Variants in PLCG2 observed in about 807,000 individuals in gnomAD.
The protein encoded by PLCG2 is 1-phosphatidylinositol 4,5-bisphosphate phosphodiesterase gamma-2.
Under a neutral mutation model 175.6 loss-of-function variants are expected in PLCG2, and 69 were observed. The observed-to-expected ratio is 0.39, with a 90% CI of 0.32 to 0.48. PLCG2 has a LOEUF of 0.48. Ranked by LOEUF, PLCG2 falls within the 20% of genes least tolerant of loss-of-function variation. PLCG2 has a pLI of 0.91. For missense variants in PLCG2, 1,798 were observed against 1,650.9 expected (o/e 1.09, Z -1.54); for synonymous variants, 827 against 624.0 (o/e 1.33, Z -4.85).
intron 2 of PLCG2, among the ~76,000 whole-genome samples, chr16:81,820,623 CA>C (rs1013477276): frequency 1.4e-4 from 3 of 20,792 alleles, no homozygotes; most frequent in Admixed American, 1.7e-3. Context: ...AAACATTACC[CA>C]ATTTTTTTTT....
chr16:81,822,306 C>T (rs551900743), intron 2 of PLCG2, among the ~76,000 whole-genome samples: 5 of 152,238 alleles, frequency 3.3e-5, no homozygotes, highest in Non-Finnish European at 5.9e-5. Context: ...TGATTGATGG[C>T]CCCCAGAGAT....
chr16:81,958,164 A>C lies in PLCG2; in HGVS notation c.*166A>C, dbSNP rs537173949. On this transcript the variant is annotated 3_prime_UTR_variant, in exon 33 of 33. Coordinates refer to ENST00000564138, the MANE Select transcript of PLCG2 (RefSeq NM_002661.5). Reference sequence around the variant, plus strand: ...GACCCAACTGGCATGAGTTGGGGTAATTTCCTATTATTTTCATCTTGGACA... The same window carrying C: ...GACCCAACTGGCATGAGTTGGGGTACTTTCCTATTATTTTCATCTTGGACA... 3.4e-6 allele frequency: 2 copies of C among 596,634 alleles called. No homozygotes were observed. Among genetic ancestry groups the C allele is most frequent in the South Asian group, 2.2e-5 (1 of 44,836 alleles). The allele number at this position is 596,634 out of a possible 1,614,324, so 37.0% of individuals were successfully genotyped here. A position where few individuals can be genotyped will look rare whatever the true frequency, so the allele number is the denominator to read the frequency against.
chr16:81,961,747 C>A lies in PLCG2; in HGVS notation c.*3749C>A, dbSNP rs1320359056. 4.9e-6 allele frequency: 1 copy of A among 204,910 alleles called. No individual in the cohort carries two copies. Among genetic ancestry groups the A allele is most frequent in the Non-Finnish European group, 1.0e-5 (1 of 100,238 alleles). 12.7% of individuals were successfully genotyped at this position (204,910 alleles called of 1,614,324 possible). A position where few individuals can be genotyped will look rare whatever the true frequency, so the allele number is the denominator to read the frequency against. On this transcript the variant is annotated 3_prime_UTR_variant, in exon 33 of 33. Coordinates refer to ENST00000564138, the MANE Select transcript of PLCG2 (RefSeq NM_002661.5). Reference sequence around the variant, plus strand: ...TAACTTATATTAAGAACCTCCTGGGCTAAATTTAAAAAGTAATACAACAGT... The same window carrying A: ...TAACTTATATTAAGAACCTCCTGGGATAAATTTAAAAAGTAATACAACAGT...
At position 81,802,093 on chromosome 16, in the gene PLCG2, C is replaced by CTTTTTTTTTTTTTTT. The variant is rs1157731599; in HGVS notation, c.193+15935_193+15949dup. Among the ~76,000 whole-genome samples, 50 of 40,016 alleles carry CTTTTTTTTTTTTTTT rather than the reference C, an allele frequency of 1.2e-3. 19 individuals are homozygous for CTTTTTTTTTTTTTTT. Among genetic ancestry groups the CTTTTTTTTTTTTTTT allele is most frequent in the East Asian group, 5.3e-3 (4 of 760 alleles). The allele number at this position is 40,016 out of a possible 152,430, so 26.3% of individuals were successfully genotyped here. A position where few individuals can be genotyped will look rare whatever the true frequency, so the allele number is the denominator to read the frequency against. Reference sequence around the variant, plus strand: ...GTTAGCTCCTTCAGGTGAGTACAGTCTTTTTTTTTTTTTTTTTTTTTTTTT... The same window carrying CTTTTTTTTTTTTTTT: ...GTTAGCTCCTTCAGGTGAGTACAGTCTTTTTTTTTTTTTTTTTTTTTTTTTTTTTTTTTTTTTTTT... On this transcript the variant is annotated intron_variant, in intron 2 of 32. Transcript: ENST00000564138.
chr16:81,909,054 C>T (rs1567527808), intron 17 of PLCG2, among the ~76,000 whole-genome samples: 1 of 152,194 alleles, frequency 6.6e-6, no homozygotes, highest in African/African-American at 2.4e-5. Context: ...CTTGTGCATT[C>T]ATTCATCCAC....
chr16:81,899,289 T>TATATATATATATACAC (rs908648451), intron 13 of PLCG2, among the ~76,000 whole-genome samples: 1 of 92,416 alleles, frequency 1.1e-5, no homozygotes, highest in African/African-American at 3.8e-5. Context: ...TATATATATA[T>TATATATATATATACAC]ACACACACAC....
At chr16:81,935,694 T>C (rs927538011) in intron 26 of PLCG2, 1 of 985,192 alleles carries the variant, frequency 1.0e-6, no homozygotes, top group Admixed American at 6.2e-5. Context: ...GCCTGTCCCC[T>C]TCCCTCTCCT....
chr16:81,877,230 G>A lies in PLCG2; in HGVS notation c.649-3680G>A, dbSNP rs191379646. Among the ~76,000 whole-genome samples the A allele has an allele frequency of 3.5e-4, 54 of 152,302 alleles. No homozygotes were observed. In the East Asian group the frequency reaches 0.01, roughly 29 times the overall value. On this transcript the variant is annotated intron_variant, in intron 7 of 32. Transcript: ENST00000564138. ...AGCACTTTGGGAGGCCAAGGCGGGCGGATCGCGAGGTCAGGAGATCGAGAC... is the reference window on the plus strand; with the variant it reads ...AGCACTTTGGGAGGCCAAGGCGGGCAGATCGCGAGGTCAGGAGATCGAGAC...
At chr16:81,808,851 C>G (rs1276545331) in intron 2 of PLCG2, among the ~76,000 whole-genome samples, 1 of 152,124 alleles carries the variant, frequency 6.6e-6, no homozygotes, top group East Asian at 1.9e-4. Flanking sequence ...TCTGTTTCCC[C>G]CTATGCAAAA....
At chr16:81,927,976 G>C (rs1362192553) in intron 23 of PLCG2, among the ~76,000 whole-genome samples, 2 of 151,846 alleles carry the variant, frequency 1.3e-5, no homozygotes, top group African/African-American at 2.4e-5. Context: ...ACCTGGTGCA[G>C]GGGGTGGGGT....
At chr16:81,842,553 T>C (rs966185799) in intron 2 of PLCG2, among the ~76,000 whole-genome samples, 3 of 152,140 alleles carry the variant, frequency 2.0e-5, no homozygotes, top group African/African-American at 7.2e-5. Flanking sequence ...TCTGTCTGTT[T>C]GCTCGCTTGA....
chr16:81,934,077 A>G (rs574985058), intron 25 of PLCG2, among the ~76,000 whole-genome samples: 17 of 152,226 alleles, frequency 1.1e-4, no homozygotes, highest in African/African-American at 3.9e-4. Flanking sequence ...CTAGAATTTG[A>G]GACACTCTAA....
At chr16:81,869,717 C>A (rs1167871879) in intron 6 of PLCG2, among the ~76,000 whole-genome samples, 1 of 152,146 alleles carries the variant, frequency 6.6e-6, no homozygotes, top group Admixed American at 6.5e-5. Flanking sequence ...GTGTAGCTGT[C>A]AGAGTTGGCT....
chr16:81,863,379 C>A (rs1907077753), intron 5 of PLCG2, among the ~76,000 whole-genome samples: 1 of 152,226 alleles, frequency 6.6e-6, no homozygotes, highest in African/African-American at 2.4e-5. Context: ...GTGTTAGAAT[C>A]TTCTTCCTTT....
At chr16:81,795,341 C>A (rs1911419496) in intron 2 of PLCG2, among the ~76,000 whole-genome samples, 1 of 152,182 alleles carries the variant, frequency 6.6e-6, no homozygotes, top group Non-Finnish European at 1.5e-5. Flanking sequence ...TGAGCTGAGA[C>A]TTGAAGGGTG....
chr16:81,867,853 A>C (rs533451032), intron 5 of PLCG2, among the ~76,000 whole-genome samples: 177 of 152,210 alleles, frequency 1.2e-3, no homozygotes, highest in African/African-American at 4.2e-3. Flanking sequence ...GCCTGCTACC[A>C]TGCCTGGCTA....
chr16:81,823,248 C>T (rs1223820042), intron 2 of PLCG2, among the ~76,000 whole-genome samples: 1 of 152,242 alleles, frequency 6.6e-6, no homozygotes, highest in Non-Finnish European at 1.5e-5. Context: ...TACCTCGAGA[C>T]TGGATCTCTG....
chr16:81,774,845 A>G (rs1399693989), upstream of PLCG2, among the ~76,000 whole-genome samples: 1 of 151,924 alleles, frequency 6.6e-6, no homozygotes, highest in African/African-American at 2.4e-5. Context: ...CCTGGGCTTA[A>G]GTGATCCTCT....
At chr16:81,883,736 G>A (rs1281233320) in intron 9 of PLCG2, 4 of 267,086 alleles carry the variant, frequency 1.5e-5, no homozygotes, top group Non-Finnish European at 2.9e-5. Context: ...TGGGAGGATG[G>A]GATCAGATTC....
Sources: allele counts gnomAD v4.1 joint callset (sites outside exome capture counted in the v4.1 genomes callset), GRCh38; gene constraint gnomAD v4.1.1; transcripts MANE v1.5; gene names NCBI Gene and HGNC (gene_info 2026-07-23, HGNC 2026-07-21).